Variants in WIPF3 observed in about 807,000 individuals in gnomAD.
The protein encoded by WIPF3 is WAS/WASL-interacting protein family member 3.
A neutral mutation model predicts 38.9 loss-of-function variants in WIPF3; 33 were observed. The observed-to-expected ratio is 0.85, with a 90% CI of 0.64 to 1.14. The LOEUF (loss-of-function observed/expected upper bound fraction) is 1.14. Ranked by LOEUF, WIPF3 falls within the 50% of genes most tolerant of loss-of-function variation. WIPF3 has a pLI of 0.00. For synonymous variants in WIPF3, 324 were observed against 269.3 expected (o/e 1.20, Z -1.99); for missense variants, 711 against 652.5 (o/e 1.09, Z -0.98).
chr7:29,845,435 C>T (rs1784984760), intron 2 of WIPF3, among the ~76,000 whole-genome samples: 1 of 152,220 alleles, frequency 6.6e-6, no homozygotes, highest in African/African-American at 2.4e-5. Flanking sequence ...GAGTTTAGAA[C>T]CTGAATCCAG....
At chr7:29,821,920 A>G (rs527888956) in intron 1 of WIPF3, among the ~76,000 whole-genome samples, 66 of 151,856 alleles carry the variant, frequency 4.3e-4, no homozygotes, top group African/African-American at 1.5e-3. Context: ...TTCATCCTCT[A>G]TTATTTTGCT....
chr7:29,906,805 C>A (rs1412278881), intron 8 of WIPF3, among the ~76,000 whole-genome samples: 3 of 152,254 alleles, frequency 2.0e-5, no homozygotes, highest in Admixed American at 6.5e-5. Flanking sequence ...TACAAGGGAT[C>A]TTCAGTAAGA....
At position 29,884,361 on chromosome 7, in the gene WIPF3, T is replaced by TCCCCCCCCCCCCCCCC; in HGVS notation, c.870_871insCCCCCCCCCCCCCCCC (p.Ala291ProfsTer32). Reference sequence around the variant, plus strand: ...GCCCTGCGCAAGATGCGCAGGAGCCTCCCGCCCCGCCGCCCCCGCTCCCCC... The same window carrying TCCCCCCCCCCCCCCCC: ...GCCCTGCGCAAGATGCGCAGGAGCCTCCCCCCCCCCCCCCCCCCCGCCCCGCCGCCCCCGCTCCCCC... On this transcript the variant is annotated frameshift_variant, in exon 5 of 9. Transcript: ENST00000242140. LOFTEE classifies it high-confidence loss of function. The TCCCCCCCCCCCCCCCC allele has an allele frequency of 1.8e-5, 24 of 1,317,892 alleles. No homozygotes were observed. Among genetic ancestry groups the TCCCCCCCCCCCCCCCC allele is most frequent in the African/African-American group, 1.9e-5 (1 of 53,806 alleles). 81.6% of individuals were successfully genotyped at this position (1,317,892 alleles called of 1,614,324 possible).
intron 7 of WIPF3, among the ~76,000 whole-genome samples, chr7:29,899,798 G>T (rs1184449795): frequency 6.6e-6 from 1 of 152,034 alleles, no homozygotes; most frequent in Admixed American, 6.5e-5. Context: ...ATACAAAAAA[G>T]TATATAAAAT....
intron 2 of WIPF3, 108 bp from the exon 3 acceptor site, chr7:29,875,722 G>A (rs1785578014): frequency 2.8e-6 from 4 of 1,444,062 alleles, no homozygotes; most frequent in Non-Finnish European, 3.8e-6. Context: ...AGCCTTGGGA[G>A]TGGGACGGGG....
chr7:29,872,262 C>A (rs1166636220), intron 2 of WIPF3, among the ~76,000 whole-genome samples: 1 of 152,096 alleles, frequency 6.6e-6, no homozygotes, highest in Non-Finnish European at 1.5e-5. Flanking sequence ...AACAAGAATT[C>A]TTGAGGTGGC....
intron 1 of WIPF3, among the ~76,000 whole-genome samples, chr7:29,814,016 G>A (rs1380815986): frequency 6.6e-6 from 1 of 151,950 alleles, no homozygotes; most frequent in Non-Finnish European, 1.5e-5. Flanking sequence ...GACCACCCAG[G>A]CACAGGTGAT....
At chr7:29,812,467 T>C (rs1784395549) in intron 1 of WIPF3, among the ~76,000 whole-genome samples, 1 of 152,206 alleles carries the variant, frequency 6.6e-6, no homozygotes, top group African/African-American at 2.4e-5. Context: ...GATGACGATA[T>C]GGCTGCAGTA....
chr7:29,851,828 T>G (rs1278054597), intron 2 of WIPF3, among the ~76,000 whole-genome samples: 1 of 152,170 alleles, frequency 6.6e-6, no homozygotes, highest in Non-Finnish European at 1.5e-5. Context: ...CCTTCACCCT[T>G]CAGGCCCCAC....
intron 4 of WIPF3, among the ~76,000 whole-genome samples, chr7:29,879,469 C>T (rs1785672290): frequency 6.6e-6 from 1 of 152,202 alleles, no homozygotes; most frequent in South Asian, 2.1e-4. Context: ...TGTAATAGAA[C>T]TTCATAGTGA....
intron 1 of WIPF3, 30 bp downstream of exon 1, chr7:29,806,708 G>C (rs1168793991): frequency 1.3e-5 from 2 of 151,686 alleles, no homozygotes; most frequent in African/African-American, 2.4e-5. Context: ...GTGCGGGTCG[G>C]TGCCCGAGGG....
intron 7 of WIPF3, among the ~76,000 whole-genome samples, chr7:29,891,580 T>C (rs1481361015): frequency 6.6e-6 from 1 of 152,116 alleles, no homozygotes; most frequent in Non-Finnish European, 1.5e-5. Flanking sequence ...AAATAGAACA[T>C]GAAGGGCCAG....
At chr7:29,820,873 A>G (rs1784527420) in intron 1 of WIPF3, among the ~76,000 whole-genome samples, 1 of 152,222 alleles carries the variant, frequency 6.6e-6, no homozygotes, top group Admixed American at 6.5e-5. Context: ...CAACATGCAT[A>G]TATCTCCCAC....
At chr7:29,881,084 G>A (rs961061093) in intron 4 of WIPF3, among the ~76,000 whole-genome samples, 10 of 152,166 alleles carry the variant, frequency 6.6e-5, no homozygotes, top group African/African-American at 2.4e-4. Flanking sequence ...ACGTGGCTCA[G>A]TCTCTCCCTT....
At chr7:29,853,987 C>A (rs1454921089) in intron 2 of WIPF3, among the ~76,000 whole-genome samples, 1 of 152,186 alleles carries the variant, frequency 6.6e-6, no homozygotes, top group Non-Finnish European at 1.5e-5. Context: ...AGTTTAAACA[C>A]CATTACACTT....
At chr7:29,900,630 C>T (rs1786255952) in intron 7 of WIPF3, among the ~76,000 whole-genome samples, 1 of 152,260 alleles carries the variant, frequency 6.6e-6, no homozygotes, top group Non-Finnish European at 1.5e-5. Context: ...CTAGAATGAT[C>T]ATTTCCAATC....
At chr7:29,838,892 G>C (rs561491728) in intron 2 of WIPF3, among the ~76,000 whole-genome samples, 1 of 152,178 alleles carries the variant, frequency 6.6e-6, no homozygotes, top group Non-Finnish European at 1.5e-5. Flanking sequence ...CAGTGAAAAT[G>C]AATCAACAAT....
At chr7:29,875,636 G>A (rs1193777338) in intron 2 of WIPF3, among the ~76,000 whole-genome samples, 194 bp from the exon 3 acceptor site, 2 of 152,118 alleles carry the variant, frequency 1.3e-5, no homozygotes, top group East Asian at 3.9e-4. Flanking sequence ...CTAAAATAAA[G>A]AGTCCCTTCT....
intron 1 of WIPF3, among the ~76,000 whole-genome samples, chr7:29,817,834 A>C (rs753875481): frequency 8.5e-5 from 13 of 152,308 alleles, no homozygotes; most frequent in Admixed American, 2.6e-4. Flanking sequence ...AAAAGCAAAC[A>C]AGTTAGTATT....
Sources: allele counts gnomAD v4.1 joint callset (sites outside exome capture counted in the v4.1 genomes callset), GRCh38; gene constraint gnomAD v4.1.1; transcripts MANE v1.5; gene names NCBI Gene and HGNC (gene_info 2026-07-23, HGNC 2026-07-21).